The following CHD2 variants were observed in gnomAD, a reference collection of about 807,000 sequenced individuals.
The protein encoded by CHD2 is ATP-dependent chromatin remodeler CHD2.
In CHD2, 28 loss-of-function variants were observed where a neutral mutation model predicts 243.9. The ratio of observed to expected loss-of-function variants is 0.11; its 90% confidence interval spans 0.09 to 0.16. The LOEUF (loss-of-function observed/expected upper bound fraction) is 0.16, where lower values mean the gene tolerates loss of function less well. CHD2 is among the 10% of genes least tolerant of loss of function. The probability of loss-of-function intolerance (pLI) is 1.00; values close to 1 mark genes in which losing one functional copy is unlikely to be tolerated. For synonymous variants in CHD2, 775 were observed against 779.0 expected (o/e 0.99, Z 0.09); for missense variants, 1,386 against 2,209.8 (o/e 0.63, Z 7.47).
rs1377813463 is a variant in CHD2, at chr15:93,024,461, G to A, written c.5243G>A (p.Arg1748His). The part of the protein sequence containing the change: ...QQDFRRMSDH[R>H]PAMGYHGQGP... ...GATTTCCGACGAATGTCTGATCACC[G>A]CCCCGCTATGGGCTACCATGGCCAG... The change falls in exon 39 of 39, where the codon CGC becomes CAC. Residue 1748 changes from arginine (R) to histidine (H), a missense_variant. Coordinates refer to ENST00000394196, the MANE Select transcript of CHD2 (RefSeq NM_001271.4). 3 of 1,614,134 alleles carry A rather than the reference G, an allele frequency of 1.9e-6. No homozygotes were observed. The highest frequency in any genetic ancestry group is 1.1e-5 in the South Asian group (1 of 91,066).
At chr15:92,925,246 C>A (rs973724559) in intron 3 of CHD2, among the ~76,000 whole-genome samples, 1 of 152,166 alleles carries the variant, frequency 6.6e-6, no homozygotes, top group Admixed American at 6.5e-5. Flanking sequence ...CTAAGGAAGG[C>A]TCTTGGTTTT....
At chr15:92,999,072 A>G (rs1309798706) in intron 31 of CHD2, among the ~76,000 whole-genome samples, 1 of 130,612 alleles carries the variant, frequency 7.7e-6, no homozygotes, top group Non-Finnish European at 1.6e-5. Context: ...CAACAGAGCG[A>G]GACTCCGTCT....
At chr15:93,014,554 T>G in intron 36 of CHD2, 142 bp from the exon 37 acceptor site, 1 of 694,442 alleles carries the variant, frequency 1.4e-6, no homozygotes, top group Non-Finnish European at 2.4e-6. Flanking sequence ...TTATGAGCCT[T>G]TTTTTTGTTA....
intron 28 of CHD2, among the ~76,000 whole-genome samples, chr15:92,996,460 G>T (rs1051230411): frequency 1.3e-5 from 2 of 151,956 alleles, no homozygotes; most frequent in Non-Finnish European, 2.9e-5. Flanking sequence ...GCGCCCGCCT[G>T]GGTTAGTGTA....
chr15:92,955,470 C>G lies in CHD2; in HGVS notation c.1767C>G (p.Phe589Leu), dbSNP rs751441985. The G allele has an allele frequency of 1.9e-6, 3 of 1,597,276 alleles. No individual in the cohort carries two copies. In the African/African-American group the frequency reaches 4.1e-5, roughly 22 times the overall value. ...WIHSQTKRLK[F>L]NALITTYEIL... ...ATTCCCAAACCAAAAGATTGAAGTT[C>G]AACGCACTTATAACAACATATGAGA... The change falls in exon 15 of 39, where the codon TTC becomes TTG. Residue 589 changes from phenylalanine to leucine, a missense_variant. By Grantham distance (22) the Phe-to-Leu change is conservative. Around this residue, in one of 19 missense-constraint regions of CHD2, gnomAD observed 63 missense variants for 108.8 expected, o/e 0.58. Coordinates refer to ENST00000394196, the MANE Select transcript of CHD2 (RefSeq NM_001271.4).
chr15:92,948,880 G>A, intron 12 of CHD2, 72 bp from the exon 13 acceptor site: 11 of 1,495,690 alleles, frequency 7.4e-6, no homozygotes, highest in Non-Finnish European at 1.0e-5. Context: ...TGCCGAATAT[G>A]TGAATTGTGG....
intron 22 of CHD2, among the ~76,000 whole-genome samples, chr15:92,979,941 TATC>T (rs926220356): frequency 9.9e-5 from 15 of 151,714 alleles, no homozygotes; most frequent in African/African-American, 3.1e-4. Flanking sequence ...ATATCAATAT[TATC>T]AAGATAATAA....
At chr15:92,916,832 A>G (rs893164722) in intron 2 of CHD2, among the ~76,000 whole-genome samples, 1 of 152,240 alleles carries the variant, frequency 6.6e-6, no homozygotes, top group African/African-American at 2.4e-5. Context: ...GATTACAGGC[A>G]TGAGCTACTG....
rs144741523 is a variant in CHD2, at chr15:92,914,312, A to G, written c.63-10009A>G. Among the ~76,000 whole-genome samples the G allele has an allele frequency of 1.2e-3, 177 of 152,348 alleles. 1 individual carries two copies. Among genetic ancestry groups the G allele is most frequent in the Middle Eastern group, 3.4e-3 (1 of 294 alleles). ...AAGACTTTTGATTTTACCTGAATAG[A>G]AAGCTTCTTTTGTCTTTTGTGTATT... On this transcript the variant is annotated intron_variant, in intron 2 of 38. Coordinates refer to ENST00000394196, the MANE Select transcript of CHD2 (RefSeq NM_001271.4).
chr15:92,923,626 C>T (rs1477150755), intron 2 of CHD2, among the ~76,000 whole-genome samples: 10 of 142,722 alleles, frequency 7.0e-5, no homozygotes, highest in Non-Finnish European at 1.1e-4. Context: ...AGTGCAGTGG[C>T]GTGATCTTGG....
At chr15:92,941,184 T>TA (rs973734328) in intron 7 of CHD2, among the ~76,000 whole-genome samples, 1 of 151,070 alleles carries the variant, frequency 6.6e-6, no homozygotes, top group African/African-American at 2.4e-5. Context: ...TTTTAATCGA[T>TA]ACGGTCACCA....
At chr15:92,961,061 A>G (rs938887750) in intron 16 of CHD2, among the ~76,000 whole-genome samples, 16 of 151,976 alleles carry the variant, frequency 1.1e-4, no homozygotes, top group African/African-American at 3.6e-4. Flanking sequence ...ATTTTAGTCT[A>G]TAGCTTTTTG....
intron 33 of CHD2, 150 bp downstream of exon 33, chr15:93,002,467 C>G (rs1329376989): frequency 7.7e-7 from 1 of 1,292,662 alleles, no homozygotes; most frequent in Non-Finnish European, 1.0e-6. Flanking sequence ...GATGGGATAC[C>G]TGCACCTGTC....
At chr15:92,947,357 A>AT (rs2053486511) in intron 12 of CHD2, 1 of 152,180 alleles carries the variant, frequency 6.6e-6, no homozygotes, top group South Asian at 2.1e-4. Flanking sequence ...GGCCCAGGGT[A>AT]TTGCCCTCCT....
chr15:92,978,127 C>T, intron 20 of CHD2, 107 bp from the exon 21 acceptor site: 1 of 1,277,728 alleles, frequency 7.8e-7, no homozygotes, highest in South Asian at 1.2e-5. Flanking sequence ...CATCATATCT[C>T]ACTTTTCTTC....
Position 92,974,833 on chromosome 15 carries a change from A to G in CHD2, c.2506-46A>G, listed in dbSNP as rs549581041. On this transcript the variant is annotated intron_variant, in intron 19 of 38. Coordinates refer to ENST00000394196, the MANE Select transcript of CHD2 (RefSeq NM_001271.4). ...AAGTCTGCTGTTCTATTCTGAGTGT[A>G]GCTGATCTTCCTATCTTACAGTTTT... The G allele has an allele frequency of 1.3e-4, 199 of 1,558,982 alleles. 2 individuals are homozygous for G. The South Asian group carries it at 2.0e-3, about 16-fold the overall frequency.
chr15:93,000,474 G>T, intron 31 of CHD2, 38 bp from the exon 32 acceptor site: 1 of 1,581,762 alleles, frequency 6.3e-7, no homozygotes, highest in South Asian at 1.1e-5. Context: ...TGAGTGTCTT[G>T]ATTTGTATTT....
chr15:92,941,182 G>A (rs982232908), intron 7 of CHD2, among the ~76,000 whole-genome samples: 3 of 150,904 alleles, frequency 2.0e-5, no homozygotes, highest in African/African-American at 7.3e-5. Flanking sequence ...ATTTTTAATC[G>A]ATACGGTCAC....
intron 2 of CHD2, among the ~76,000 whole-genome samples, chr15:92,921,034 C>A (rs1019186264): frequency 1.3e-5 from 2 of 151,218 alleles, no homozygotes; most frequent in Non-Finnish European, 2.9e-5. Flanking sequence ...GTATAGAGAG[C>A]CAGCAGGGCA....
Sources: gnomAD v4.1 joint callset for allele counts (sites outside exome capture counted in the v4.1 genomes callset) on GRCh38, gnomAD v4.1.1 for gene constraint, gnomAD v4.1.1 regional missense constraint, MANE v1.5 for transcripts, NCBI Gene and HGNC (gene_info 2026-07-23, HGNC 2026-07-21) for gene names.